Variants in LPIN2 observed in about 807,000 individuals in gnomAD.
LPIN2 encodes the protein lipin 2.
In LPIN2, 55 loss-of-function variants were observed where a neutral mutation model predicts 111.4. The observed-to-expected ratio is 0.49, with a 90% confidence interval of 0.40 to 0.62. LPIN2 has a LOEUF of 0.62. LPIN2 is among the 20% of genes least tolerant of loss of function. LPIN2 has a pLI of 0.00. For missense variants in LPIN2, 992 were observed against 1,112.1 expected (o/e 0.89, Z 1.54); for synonymous variants, 425 against 414.0 (o/e 1.03, Z -0.32).
chr18:3,004,060 C>T (rs993903000), intron 1 of LPIN2, among the ~76,000 whole-genome samples: 3 of 152,088 alleles, frequency 2.0e-5, no homozygotes, highest in African/African-American at 7.2e-5. Context: ...CCTACAGTAC[C>T]CTCAGGCTTA....
At chr18:2,974,780 C>G (rs967125934) in intron 1 of LPIN2, among the ~76,000 whole-genome samples, 1 of 152,082 alleles carries the variant, frequency 6.6e-6, no homozygotes, top group African/African-American at 2.4e-5. Context: ...TTAGTTGAGC[C>G]CAGAAGGTGG....
chr18:2,924,316 G>A, intron 15 of LPIN2, 82 bp downstream of exon 15: 1 of 1,569,612 alleles, frequency 6.4e-7, no homozygotes, highest in Admixed American at 1.7e-5. Context: ...AGCCCCAGGT[G>A]AGGAACTCCC....
chr18:2,953,578 A>G (rs1350246650), intron 3 of LPIN2, among the ~76,000 whole-genome samples: 1 of 152,240 alleles, frequency 6.6e-6, no homozygotes, highest in Non-Finnish European at 1.5e-5. Context: ...TGGTTTCTCA[A>G]TCAAAAAATG....
intron 1 of LPIN2, among the ~76,000 whole-genome samples, chr18:2,997,972 G>C (rs1025243657): frequency 1.3e-5 from 2 of 152,254 alleles, no homozygotes; most frequent in African/African-American, 4.8e-5. Flanking sequence ...GTGACCGTGA[G>C]GCAGAGTTTC....
At position 2,920,748 on chromosome 18, in the gene LPIN2, C is replaced by T. The variant is rs1161370903; in HGVS notation, c.2546+30G>A. On this transcript the variant is annotated intron_variant, in intron 19 of 19. Transcript: ENST00000677752. ...CCCAACTGTACCCCTGGCTGCAGGG[C>T]GCCGGGCTGAGAGCTGAGAATGTAC... The T allele has an allele frequency of 3.9e-6, 6 of 1,554,582 alleles. 1 individual carries two copies. Among genetic ancestry groups the T allele is most frequent in the Admixed American group, 3.3e-5 (2 of 59,932 alleles).
chr18:2,988,643 G>A (rs1001631575), intron 1 of LPIN2, among the ~76,000 whole-genome samples: 34 of 152,268 alleles, frequency 2.2e-4, no homozygotes, highest in Middle Eastern at 3.4e-3. Context: ...TAAAAGAAAA[G>A]GGGAAAAGTT....
At chr18:2,967,388 T>TG (rs1251481627) in intron 1 of LPIN2, among the ~76,000 whole-genome samples, 2 of 152,070 alleles carry the variant, frequency 1.3e-5, no homozygotes, top group South Asian at 2.1e-4. Context: ...AATATGAATC[T>TG]GGGGGGGATT....
chr18:2,939,511 C>T lies in LPIN2; in HGVS notation c.791G>A (p.Trp264Ter). 6.2e-7 allele frequency: 1 copy of T among 1,613,994 alleles called. No individual in the cohort carries two copies. The highest frequency in any genetic ancestry group is 8.5e-7 in the Non-Finnish European group (1 of 1,179,914). Residue 264 changes from tryptophan (W) to a stop codon, truncating the protein, a stop_gained, in exon 6 of 20, where the codon TGG becomes TAG. Transcript: ENST00000677752. LOFTEE classifies it high-confidence loss of function. Reference protein sequence around the residue: ...SLLRSESHMEWTWGGFPESTK... With the variant: ...SLLRSESHME ...GGACTCTGGGAATCCGCCCCACGTC[C>T]ACTCCATGTGAGACTCTGATCTGAG...
intron 4 of LPIN2, among the ~76,000 whole-genome samples, chr18:2,943,458 G>GTGTT (rs55747910): frequency 6.7e-4 from 98 of 146,284 alleles, no homozygotes; most frequent in South Asian, 1.7e-3. Context: ...GTGTGTGTGT[G>GTGTT]TATAAATCAA....
chr18:2,994,737 C>G (rs1306416423), intron 1 of LPIN2, among the ~76,000 whole-genome samples: 1 of 152,282 alleles, frequency 6.6e-6, no homozygotes, highest in South Asian at 2.1e-4. Context: ...ATGCCAGTAG[C>G]ACCCTCCCCA....
chr18:2,952,500 AG>A (rs763820227), intron 3 of LPIN2, among the ~76,000 whole-genome samples: 1 of 152,240 alleles, frequency 6.6e-6, no homozygotes, highest in Non-Finnish European at 1.5e-5. Flanking sequence ...GAAAATGTAT[AG>A]GTTTCTGTAA....
intron 17 of LPIN2, 151 bp from the exon 18 acceptor site, chr18:2,921,798 TAAG>T: frequency 1.3e-6 from 1 of 772,692 alleles, no homozygotes; most frequent in Non-Finnish European, 2.1e-6. Flanking sequence ...GTCTGATAAC[TAAG>T]AAAATTTGAG....
chr18:3,009,259 T>C (rs975241233), intron 1 of LPIN2, among the ~76,000 whole-genome samples: 1 of 151,178 alleles, frequency 6.6e-6, no homozygotes, highest in Non-Finnish European at 1.5e-5. Context: ...ATTAGCCAGG[T>C]GTGGTGGCAC....
chr18:2,963,298 G>A (rs916091303), intron 1 of LPIN2, among the ~76,000 whole-genome samples: 3 of 152,144 alleles, frequency 2.0e-5, no homozygotes, highest in Non-Finnish European at 4.4e-5. Context: ...ATAGGCATGA[G>A]GGATATGTTA....
rs180714196 is a variant in LPIN2, at chr18:2,993,506, A to G, written c.-10+19581T>C. 2.4e-3 allele frequency among the ~76,000 whole-genome samples: 372 copies of G among 152,356 alleles called. 1 individual carries two copies. The highest frequency in any genetic ancestry group is 8.4e-3 in the African/African-American group (351 of 41,586). On this transcript the variant is annotated intron_variant, in intron 1 of 19. Transcript: ENST00000677752. ...AAAACAATCTGACATTTCGAAAACT[A>G]TGGCTTTCTGAGCATTCAACTCTAC...
chr18:2,983,919 G>A (rs1386961279), intron 1 of LPIN2, among the ~76,000 whole-genome samples: 1 of 151,950 alleles, frequency 6.6e-6, no homozygotes, highest in Non-Finnish European at 1.5e-5. Flanking sequence ...GAACAAGGTG[G>A]GGAAAAGGCC....
rs761121515 is a variant in LPIN2, at chr18:2,988,012, C to CAAAAA, written c.-10+25070_-10+25074dup. On this transcript the variant is annotated intron_variant, in intron 1 of 19. Transcript: ENST00000677752. ...TGGGCGACAGAGTGAGAGACTGTCT[C>CAAAAA]AAAAAAAAAAAAAAAAAAAAAAAAA... is the stretch of plus-strand genomic sequence containing the variant. Among the ~76,000 whole-genome samples, 236 of 32,334 alleles carry CAAAAA rather than the reference C, an allele frequency of 7.3e-3. 25 individuals carry two copies. The highest frequency in any genetic ancestry group is 0.019 in the African/African-American group (200 of 10,292). The allele number at this position is 32,334 out of a possible 152,430, so 21.2% of individuals were successfully genotyped here.
chr18:2,932,643 C>T (rs1257921176), intron 8 of LPIN2, among the ~76,000 whole-genome samples: 1 of 152,192 alleles, frequency 6.6e-6, no homozygotes, highest in Non-Finnish European at 1.5e-5. Flanking sequence ...TTCTCCGGGG[C>T]ACACGGCGAG....
At chr18:2,924,109 T>A (rs1003710876) in intron 15 of LPIN2, among the ~76,000 whole-genome samples, 1 of 152,144 alleles carries the variant, frequency 6.6e-6, no homozygotes, top group African/African-American at 2.4e-5. Context: ...ACACTTTCTC[T>A]TTTCCTCCGC....
Sources: gnomAD v4.1 joint callset for allele counts (sites outside exome capture counted in the v4.1 genomes callset) on GRCh38, gnomAD v4.1.1 for gene constraint, MANE v1.5 for transcripts, NCBI Gene and HGNC (gene_info 2026-07-23, HGNC 2026-07-21) for gene names.